Variants in SCN11A observed in about 807,000 individuals in gnomAD.
SCN11A encodes sodium channel protein type 11 subunit alpha.
A neutral mutation model predicts 162.2 loss-of-function variants in SCN11A; 122 were observed. That is an observed-to-expected ratio of 0.75 (90% CI 0.65 to 0.87). The LOEUF (loss-of-function observed/expected upper bound fraction) is 0.87. Ranked by LOEUF, SCN11A falls within the 40% of genes least tolerant of loss-of-function variation. The pLI, the probability that SCN11A is intolerant of heterozygous loss-of-function variation, is 0.00. For missense variants in SCN11A, 2,015 were observed against 2,181.6 expected, an observed-to-expected ratio of 0.92 and a Z score of 1.52; for synonymous variants, 758 against 751.5, an observed-to-expected ratio of 1.01 and a Z score of -0.14.
chr3:38,884,374 C>A (rs1385640600), intron 21 of SCN11A, among the ~76,000 whole-genome samples: 1 of 152,206 alleles, frequency 6.6e-6, no homozygotes, highest in Admixed American at 6.5e-5. Flanking sequence ...AACTCCTGTC[C>A]AGCTTTGGAG....
intron 7 of SCN11A, among the ~76,000 whole-genome samples, chr3:38,944,819 T>C (rs1213124921): frequency 6.6e-6 from 1 of 151,674 alleles, no homozygotes; most frequent in Non-Finnish European, 1.5e-5. Context: ...AAAAATTGGC[T>C]GGGCACGGTG....
In SCN11A at chr3:38,890,565, C is replaced by T. The variant is rs971679887; in HGVS notation, c.2835+3968G>A. Among the ~76,000 whole-genome samples the T allele has an allele frequency of 2.6e-5, 4 of 152,346 alleles. No individual in the cohort carries two copies. The South Asian group carries it at 6.2e-4, about 24-fold the overall frequency. ...GGGTCAAAACAAATCTCAAAGACTG[C>T]GCTTAAAAGCTATCACTTCCTGAAT... is the stretch of plus-strand genomic sequence containing the variant. On this transcript the variant is annotated intron_variant, in intron 19 of 29. Transcript: ENST00000302328.
chr3:39,031,542 C>A (rs59360592), intron 2 of SCN11A, among the ~76,000 whole-genome samples: 32,591 of 132,880 alleles, frequency 0.25, 4,334 homozygotes, highest in African/African-American at 0.39. Flanking sequence ...AACAAACAAA[C>A]AAAAAAAAAA....
chr3:38,869,337 G>A (rs114328506), intron 26 of SCN11A, among the ~76,000 whole-genome samples: 47 of 152,176 alleles, frequency 3.1e-4, no homozygotes, highest in African/African-American at 9.6e-4. Flanking sequence ...TCGAAAAGAC[G>A]AAAGAAATGA....
intron 28 of SCN11A, among the ~76,000 whole-genome samples, chr3:38,851,135 G>A (rs2064772421): frequency 6.6e-6 from 1 of 152,140 alleles, no homozygotes; most frequent in South Asian, 2.1e-4. Flanking sequence ...ATCTGTTTCT[G>A]TATTCTTACT....
intron 2 of SCN11A, among the ~76,000 whole-genome samples, chr3:38,969,648 C>T (rs1559560170): frequency 6.6e-6 from 1 of 152,188 alleles, no homozygotes; most frequent in Non-Finnish European, 1.5e-5. Flanking sequence ...TTTCAGCTTG[C>T]TTTGTTTTTT....
At position 38,880,143 on chromosome 3, in the gene SCN11A, CCATAGGCCAGGTTGA is replaced by C; in HGVS notation, c.3220-35_3220-21del. The C allele has an allele frequency of 1.9e-6, 3 of 1,579,364 alleles. No homozygotes were observed. The South Asian group carries it at 3.4e-5, about 18-fold the overall frequency. ...AAATATCTGAAATGAAAAAGCATAG[CCATAGGCCAGGTTGA>C]ATATTTGCAAAGAACTCCTTGGTAA... On this transcript the variant is annotated intron_variant, in intron 22 of 29. Transcript: ENST00000302328.
chr3:38,856,066 G>A (rs2064864052), intron 28 of SCN11A, among the ~76,000 whole-genome samples: 1 of 152,204 alleles, frequency 6.6e-6, no homozygotes, highest in Admixed American at 6.5e-5. Flanking sequence ...CTGAAGAGCA[G>A]GTCTTGAGTT....
intron 2 of SCN11A, among the ~76,000 whole-genome samples, chr3:38,973,626 G>T (rs990958095): frequency 6.6e-6 from 1 of 152,078 alleles, no homozygotes; most frequent in Non-Finnish European, 1.5e-5. Flanking sequence ...TTAAAAATTA[G>T]AATATTTAAA....
Position 38,867,395 on chromosome 3 carries a change from T to C in SCN11A, c.3877A>G (p.Ile1293Val), listed in dbSNP as rs761590329. 2.1e-5 allele frequency: 34 copies of C among 1,612,794 alleles called. No homozygotes were observed. Among genetic ancestry groups the C allele is most frequent in the Non-Finnish European group, 2.2e-5 (26 of 1,178,954 alleles). The change falls in exon 27 of 30, where the codon ATC becomes GTC. Residue 1293 changes from isoleucine (I) to valine (V), a missense_variant. Ile to Val is a conservative substitution (Grantham distance 29). Coordinates refer to ENST00000302328, the MANE Select transcript of SCN11A (RefSeq NM_001349253.2). ...TTCAGAGTGAAGAATGAGCCAAAGA[T>C]GATAAAGACTACGAAGTAAATGTAA... ...LGYIYFVVFI[I>V]FGSFFTLNLF...
intron 28 of SCN11A, among the ~76,000 whole-genome samples, chr3:38,858,171 C>T (rs533840895): frequency 2.6e-5 from 4 of 152,166 alleles, no homozygotes. Flanking sequence ...CAGTACTTCA[C>T]ATCTCAATAC....
At position 38,867,357 on chromosome 3, in the gene SCN11A, G is replaced by T; in HGVS notation, c.3915C>A (p.Gly1305=). 1.2e-6 allele frequency: 2 copies of T among 1,613,134 alleles called. No individual in the cohort carries two copies. Among genetic ancestry groups the T allele is most frequent in the Non-Finnish European group, 1.7e-6 (2 of 1,179,338 alleles). ...GTTGGTTGAAGTTGTCAATGATAAC[G>T]CCAATGAAGAGATTCAGAGTGAAGA... ...GSFFTLNLFI[G]VIIDNFNQQQ... is the part of the protein sequence containing the mutation. Residue 1305 remains glycine, a synonymous_variant, in exon 27 of 30, where the codon GGC becomes GGA. Transcript: ENST00000302328.
intron 9 of SCN11A, among the ~76,000 whole-genome samples, chr3:38,923,102 T>C (rs1159996747): frequency 6.6e-6 from 1 of 152,204 alleles, no homozygotes; most frequent in Non-Finnish European, 1.5e-5. Context: ...CTTGGCTTCA[T>C]CCTGATCCGA....
chr3:38,921,269 C>T lies in SCN11A; in HGVS notation c.713-14G>A, dbSNP rs771194862. On this transcript the variant is annotated splice_polypyrimidine_tract_variant and intron_variant, in intron 9 of 29. Transcript: ENST00000302328. ...TGACCTTCAGACCTGAGAAAGAGGA[C>T]AGGCTTGGGGAGAAGCCCATCCCCC... 34 of 1,612,446 alleles carry T rather than the reference C, an allele frequency of 2.1e-5. No homozygotes were observed. Among genetic ancestry groups the T allele is most frequent in the Non-Finnish European group, 2.9e-5 (34 of 1,179,280 alleles).
rs2066503521 is a variant in SCN11A, at chr3:38,945,504, C to A, written c.395G>T (p.Ser132Ile). The change falls in exon 7 of 30, where the codon AGC (serine) becomes ATC (isoleucine). Residue 132 changes from serine (S) to isoleucine (I), a missense_variant. Coordinates refer to ENST00000302328, the MANE Select transcript of SCN11A (RefSeq NM_001349253.2). ...GATAACGGTGCCGATAATGAACATG[C>A]TGAACAATGTGGCCAGCATCCATTA... Reference protein sequence around the residue: ...AIRVSVHSLFSMFIIGTVIIN... With the variant: ...AIRVSVHSLFIMFIIGTVIIN... 2 of 1,566,336 alleles carry A rather than the reference C, an allele frequency of 1.3e-6. No homozygotes were observed. The highest frequency in any genetic ancestry group is 8.7e-7 in the Non-Finnish European group (1 of 1,147,832).
chr3:38,899,444 T>C (rs534200389), intron 17 of SCN11A, among the ~76,000 whole-genome samples: 9 of 152,322 alleles, frequency 5.9e-5, no homozygotes, highest in African/African-American at 2.2e-4. Context: ...GTGAGATAGA[T>C]AGCACCTGCC....
chr3:38,949,658 T>A (rs1393767681), intron 5 of SCN11A, among the ~76,000 whole-genome samples: 1 of 152,242 alleles, frequency 6.6e-6, no homozygotes, highest in African/African-American at 2.4e-5. Flanking sequence ...GATAAAGTGC[T>A]TTCCCAGCAT....
chr3:38,905,349 TA>T, intron 14 of SCN11A, 28 bp from the exon 15 acceptor site: 2 of 1,602,776 alleles, frequency 1.2e-6, no homozygotes, highest in Non-Finnish European at 1.7e-6. Flanking sequence ...GGGCACCTTC[TA>T]AAGACAGGGG....
chr3:38,896,808 C>CCT lies in SCN11A; in HGVS notation c.2403+36_2403+37insAG, dbSNP rs1553637345. On this transcript the variant is annotated intron_variant, in intron 18 of 29. Coordinates refer to ENST00000302328, the MANE Select transcript of SCN11A (RefSeq NM_001349253.2). ...AATGCATTTGAGAGGCATGTAGGAT[C>CCT]TTTTTTTTTTTTTTGAAAAAAATCT... 1.2e-4 allele frequency: 134 copies of CCT among 1,127,260 alleles called. 1 individual carries two copies. The highest frequency in any genetic ancestry group is 1.5e-4 in the Non-Finnish European group (129 of 851,776). The allele number at this position is 1,127,260 out of a possible 1,614,324, so 69.8% of individuals were successfully genotyped here.
Sources: gnomAD v4.1 joint callset for allele counts (sites outside exome capture counted in the v4.1 genomes callset) on GRCh38, gnomAD v4.1.1 for gene constraint, MANE v1.5 for transcripts, NCBI Gene and HGNC (gene_info 2026-07-23, HGNC 2026-07-21) for gene names.